Variants in WNT9A observed in about 807,000 individuals in gnomAD.
WNT9A encodes protein Wnt-9a.
WNT9A carries 8 observed loss-of-function variants against 31.4 expected under a neutral mutation model. That is an observed-to-expected ratio of 0.26 (90% CI 0.15 to 0.46). The LOEUF (loss-of-function observed/expected upper bound fraction) is 0.46, where lower values mean the gene tolerates loss of function less well. WNT9A is among the 20% of genes least tolerant of loss of function. The pLI is 0.99. For missense variants in WNT9A, 457 were observed against 522.9 expected (o/e 0.87, Z 1.23); for synonymous variants, 236 against 220.1 (o/e 1.07, Z -0.64).
intron 1 of WNT9A, among the ~76,000 whole-genome samples, chr1:227,940,157 C>T (rs911409859): frequency 1.2e-4 from 18 of 152,252 alleles, no homozygotes; most frequent in African/African-American, 3.6e-4. Context: ...TGGGGTCCCC[C>T]AAACCAGACC....
chr1:227,923,091 T>A (rs1666353395), intron 3 of WNT9A, among the ~76,000 whole-genome samples: 1 of 152,124 alleles, frequency 6.6e-6, no homozygotes, highest in Non-Finnish European at 1.5e-5. Context: ...GCTTAGGGCT[T>A]GAATCTGCCT....
chr1:227,937,297 C>T (rs914805887), intron 1 of WNT9A, among the ~76,000 whole-genome samples: 2 of 152,180 alleles, frequency 1.3e-5, no homozygotes, highest in African/African-American at 2.4e-5. Flanking sequence ...TTTTCGAGGC[C>T]CCTGTTGTGT....
chr1:227,929,874 A>T (rs1237586105), intron 1 of WNT9A, among the ~76,000 whole-genome samples: 1 of 152,200 alleles, frequency 6.6e-6, no homozygotes, highest in African/African-American at 2.4e-5. Context: ...ACATGGTGAG[A>T]AGGCAATGTC....
At chr1:227,947,017 CGCAGCGAGG>C (rs924803816) in intron 1 of WNT9A, among the ~76,000 whole-genome samples, 8 of 152,188 alleles carry the variant, frequency 5.3e-5, no homozygotes, top group African/African-American at 1.7e-4. Context: ...GCGCCCAAAG[CGCAGCGAGG>C]GTCCCTGTAA....
chr1:227,943,965 A>G (rs1158051629), intron 1 of WNT9A, among the ~76,000 whole-genome samples: 1 of 152,134 alleles, frequency 6.6e-6, no homozygotes, highest in Non-Finnish European at 1.5e-5. Context: ...CGGGTGACAG[A>G]GCAAGACTCT....
At chr1:227,922,898 G>A (rs1310472551) in intron 3 of WNT9A, among the ~76,000 whole-genome samples, 5 of 152,138 alleles carry the variant, frequency 3.3e-5, no homozygotes, top group African/African-American at 1.2e-4. Flanking sequence ...CTCTGGCCCG[G>A]CAACCGAAGA....
rs932485742 is a variant in WNT9A, at chr1:227,947,727, G to A, written c.95+66C>T. 47 of 979,004 alleles carry A rather than the reference G, an allele frequency of 4.8e-5. No individual in the cohort carries two copies. In the Admixed American group the frequency reaches 2.0e-3, roughly 42 times the overall value. The allele number at this position is 979,004 out of a possible 1,614,324, so 60.6% of individuals were successfully genotyped here. On this transcript the variant is annotated intron_variant, in intron 1 of 3. Transcript: ENST00000272164. ...CCACCCCGGGTGCCTCGGGGACTCCGGACGACCCCGCCCCGGCCCCGCCGC... is the reference window on the plus strand; with the variant it reads ...CCACCCCGGGTGCCTCGGGGACTCCAGACGACCCCGCCCCGGCCCCGCCGC...
chr1:227,933,834 C>A (rs1252545252), intron 1 of WNT9A, among the ~76,000 whole-genome samples: 2 of 150,260 alleles, frequency 1.3e-5, no homozygotes, highest in African/African-American at 5.0e-5. Flanking sequence ...GGGCAACAAT[C>A]ACCACAGTCA....
intron 1 of WNT9A, among the ~76,000 whole-genome samples, chr1:227,927,918 G>C (rs1666447224): frequency 1.3e-5 from 2 of 151,912 alleles, no homozygotes; most frequent in African/African-American, 4.8e-5. Context: ...AGATGGGGAG[G>C]GGAAAAGGGG....
Position 227,925,333 on chromosome 1 carries a change from C to T in WNT9A, c.282G>A (p.Gln94=). ...TCCAGCGCTCAAAGCGGAACTGGAA[C>T]TGGCACTCGAGCGCACTCATGCTCA... The part of the protein sequence containing the change: ...EAVSMSALEC[Q]FQFRFERWNC... Residue 94 remains glutamine (Q), a synonymous_variant, in exon 2 of 4, where the codon CAG becomes CAA. Coordinates refer to ENST00000272164, the MANE Select transcript of WNT9A (RefSeq NM_003395.4). This position sits in a 1 kb window ranked among gnomAD's most constrained non-coding sequence, Gnocchi z 6.0. 1 of 1,610,126 alleles carries T rather than the reference C, an allele frequency of 6.2e-7. No individual in the cohort carries two copies. Among genetic ancestry groups the T allele is most frequent in the South Asian group, 1.1e-5 (1 of 90,622 alleles).
intron 1 of WNT9A, among the ~76,000 whole-genome samples, chr1:227,935,627 C>T (rs1354631677): frequency 6.6e-6 from 1 of 152,264 alleles, no homozygotes; most frequent in East Asian, 1.9e-4. Context: ...AGGCTTTCGC[C>T]TGGAGCAGTT....
At position 227,925,572 on chromosome 1, in the gene WNT9A, C is replaced by T. The variant is rs1666408354; in HGVS notation, c.96-53G>A. 1 of 1,454,896 alleles carries T rather than the reference C, an allele frequency of 6.9e-7. No homozygotes were observed. The highest frequency in any genetic ancestry group is 9.0e-7 in the Non-Finnish European group (1 of 1,106,890). The allele number at this position is 1,454,896 out of a possible 1,614,324, so 90.1% of individuals were successfully genotyped here. On this transcript the variant is annotated intron_variant, in intron 1 of 3. Coordinates refer to ENST00000272164, the MANE Select transcript of WNT9A (RefSeq NM_003395.4). The surrounding 1 kb of genome is among the most constrained non-coding windows in gnomAD (Gnocchi z 6.0). Reference sequence around the variant, plus strand: ...CGGCCCCAGGAAGCCCTGCTGGAGCCTGGCCAGGTGTCTCGGTGGCCAGGG... The same window carrying T: ...CGGCCCCAGGAAGCCCTGCTGGAGCTTGGCCAGGTGTCTCGGTGGCCAGGG...
At chr1:227,929,766 C>G (rs755310777) in intron 1 of WNT9A, among the ~76,000 whole-genome samples, 50 of 152,082 alleles carry the variant, frequency 3.3e-4, no homozygotes, top group Non-Finnish European at 5.3e-4. Flanking sequence ...CTTGGGAGGT[C>G]AAGGCTGCAG....
intron 1 of WNT9A, among the ~76,000 whole-genome samples, chr1:227,934,247 T>C (rs1666554606): frequency 6.6e-6 from 1 of 152,242 alleles, no homozygotes; most frequent in African/African-American, 2.4e-5. Context: ...CTGTGCTTAA[T>C]CCCTTGGGAA....
Position 227,947,816 on chromosome 1 carries a change from C to A in WNT9A, c.72G>T (p.Leu24=). ...AFGLTLLLAA[L]RPSAAYFGLT... is the part of the protein sequence containing the mutation. ...ACCCGAAGTAGGCGGCCGAAGGGCG[C>A]AGCGCGGCGAGCAGCAGCGTCAGCC... Residue 24 remains leucine (L), a synonymous_variant, in exon 1 of 4, where the codon CTG becomes CTT. Transcript: ENST00000272164. The A allele has an allele frequency of 9.1e-7, 1 of 1,099,722 alleles. No individual in the cohort carries two copies. The highest frequency in any genetic ancestry group is 4.0e-5 in the South Asian group (1 of 24,762). 68.1% of individuals were successfully genotyped at this position (1,099,722 alleles called of 1,614,324 possible).
At chr1:227,943,548 C>T (rs1164518410) in intron 1 of WNT9A, among the ~76,000 whole-genome samples, 1 of 152,242 alleles carries the variant, frequency 6.6e-6, no homozygotes, top group Non-Finnish European at 1.5e-5. Flanking sequence ...TGCCATTCCA[C>T]ACCCACTAGG....
At chr1:227,940,887 G>T (rs373194150) in intron 1 of WNT9A, among the ~76,000 whole-genome samples, 1 of 152,186 alleles carries the variant, frequency 6.6e-6, no homozygotes, top group Non-Finnish European at 1.5e-5. Flanking sequence ...GGGCCGGGGC[G>T]GCCCAGTGCC....
At chr1:227,924,748 C>A (rs1336726414) in intron 2 of WNT9A, among the ~76,000 whole-genome samples, 3 of 152,218 alleles carry the variant, frequency 2.0e-5, no homozygotes, top group Non-Finnish European at 4.4e-5. Flanking sequence ...AATTTTTAAA[C>A]AAGCTCATGC....
chr1:227,937,348 C>CT (rs1484470001), intron 1 of WNT9A, among the ~76,000 whole-genome samples: 5 of 152,332 alleles, frequency 3.3e-5, no homozygotes, highest in Admixed American at 3.3e-4. Context: ...GGGCTGCTCA[C>CT]TGTACTGAGG....
Sources: allele counts gnomAD v4.1 joint callset (sites outside exome capture counted in the v4.1 genomes callset), GRCh38; gene constraint gnomAD v4.1.1; non-coding constraint Gnocchi (gnomAD v3.1); transcripts MANE v1.5; gene names NCBI Gene and HGNC (gene_info 2026-07-23, HGNC 2026-07-21).